TRIL: variants seen among roughly 807,000 people sequenced by gnomAD.
TRIL encodes the protein TLR4 interactor with leucine rich repeats.
In TRIL, 23 loss-of-function variants were observed where a neutral mutation model predicts 43.0. The observed-to-expected ratio is 0.54, with a 90% CI of 0.39 to 0.76. The LOEUF is 0.76. Ranked by LOEUF, TRIL falls within the 30% of genes least tolerant of loss-of-function variation. The pLI is 0.00. For synonymous variants in TRIL, 602 were observed against 556.8 expected (o/e 1.08, Z -1.14); for missense variants, 1,114 against 1,139.3 (o/e 0.98, Z 0.32).
Position 28,956,531 on chromosome 7 carries a change from G to T in TRIL, c.1516C>A (p.Pro506Thr). ...PSVAAAAGPA[P>T]QSLDLHKKPQ... is the part of the protein sequence containing the mutation. ...TTCTTGTGCAGGTCTAGGGACTGTG[G>T]AGCCGGGCCCGCGGCGGCAGCGACG... Residue 506 changes from proline to threonine, a missense_variant, in exon 1 of 1, where the codon CCA becomes ACA. Transcript: ENST00000539664. 1 of 1,560,196 alleles carries T rather than the reference G, an allele frequency of 6.4e-7. No homozygotes were observed. The highest frequency in any genetic ancestry group is 1.4e-5 in the African/African-American group (1 of 72,990).
chr7:28,956,941 C>T lies in TRIL; in HGVS notation c.1106G>A (p.Gly369Asp), dbSNP rs3735562. ...NGWTCDCRLRGLKRWMGDWHS... is the reference protein window; with the variant it reads ...NGWTCDCRLRDLKRWMGDWHS... ...CCAGTCGCCCATCCAGCGCTTCAGG[C>T]CTCGCAGCCGGCAGTCGCAGGTCCA... Residue 369 changes from glycine (G) to aspartate (D), a missense_variant, in exon 1 of 1, where the codon GGC (glycine) becomes GAC (aspartate). Transcript: ENST00000539664. 371,249 of 1,597,636 alleles carry T rather than the reference C, an allele frequency of 0.23. 46,895 individuals carry two copies. The highest frequency in any genetic ancestry group is 0.57 in the East Asian group (25,039 of 44,172).
rs770004091 is a variant in TRIL at position 28,953,498 on chromosome 7, C to G, written c.*2113G>C. 6.6e-6 allele frequency: 1 copy of G among 152,514 alleles called. No individual in the cohort carries two copies. The highest frequency in any genetic ancestry group is 1.5e-5 in the Non-Finnish European group (1 of 68,028). 9.4% of individuals were successfully genotyped at this position (152,514 alleles called of 1,614,324 possible). ...AGGCATTTTCAGTGATGTTCTATGG[C>G]TGAAAAGGTGGGTGGTGAGGAGAAC... On this transcript the variant is annotated 3_prime_UTR_variant, in exon 1 of 1. Coordinates refer to ENST00000539664, the MANE Select transcript of TRIL (RefSeq NM_014817.4).
At position 28,955,974 on chromosome 7, in the gene TRIL, G is replaced by A; in HGVS notation, c.2073C>T (p.Gly691=). Residue 691 remains glycine, a synonymous_variant, in exon 1 of 1, where the codon GGC becomes GGT. Transcript: ENST00000539664. ...AGGTCAGCAGCTGGTAGTCGACGCC[G>A]CCCCGGCTCCCGGCCTCCGGTAGGG... The part of the protein sequence containing the change: ...LVTLPEAGSR[G]GVDYQLLTLA... The A allele has an allele frequency of 6.4e-7, 1 of 1,552,024 alleles. No individual in the cohort carries two copies. The highest frequency in any genetic ancestry group is 1.9e-5 in the Admixed American group (1 of 52,484).
Position 28,955,564 on chromosome 7 carries a change from G to A in TRIL, c.*47C>T. 1 of 1,454,446 alleles carries A rather than the reference G, an allele frequency of 6.9e-7. No individual in the cohort carries two copies. Among genetic ancestry groups the A allele is most frequent in the Non-Finnish European group, 9.1e-7 (1 of 1,104,414 alleles). The allele number at this position is 1,454,446 out of a possible 1,614,324, so 90.1% of individuals were successfully genotyped here. A position where few individuals can be genotyped will look rare whatever the true frequency, so the allele number is the denominator to read the frequency against. ...GAGGTGGGCTGGTGGGCCTCACGGA[G>A]AGGCGGCTCCTTAGGGCCAATGAGA... On this transcript the variant is annotated 3_prime_UTR_variant, in exon 1 of 1. Coordinates refer to ENST00000539664, the MANE Select transcript of TRIL (RefSeq NM_014817.4).
In TRIL at chr7:28,953,438, CAGTGAAACTA is replaced by C; in HGVS notation, c.*2163_*2172del. 1 of 152,682 alleles carries C rather than the reference CAGTGAAACTA, an allele frequency of 6.5e-6. No individual in the cohort carries two copies. The highest frequency in any genetic ancestry group is 1.9e-4 in the East Asian group (1 of 5,188). The allele number at this position is 152,682 out of a possible 1,614,324, so 9.5% of individuals were successfully genotyped here. ...ATTCATCTCCCACTGAAAGACTTCC[CAGTGAAACTA>C]AAGTAGAACACAGATCCAGGCATTA... On this transcript the variant is annotated 3_prime_UTR_variant, in exon 1 of 1. Coordinates refer to ENST00000539664, the MANE Select transcript of TRIL (RefSeq NM_014817.4).
In TRIL at chr7:28,956,202, C is replaced by A; in HGVS notation, c.1845G>T (p.Leu615=). 1 of 1,565,398 alleles carries A rather than the reference C, an allele frequency of 6.4e-7. No individual in the cohort carries two copies. The highest frequency in any genetic ancestry group is 2.3e-5 in the East Asian group (1 of 42,624). ...AVREHRSPRP[L]GGARFRLLFD... Reference sequence around the variant, plus strand: ...AGAGCAGGCGGAAGCGCGCGCCGCCCAGCGGCCGGGGACTGCGGTGCTCGC... The same window carrying A: ...AGAGCAGGCGGAAGCGCGCGCCGCCAAGCGGCCGGGGACTGCGGTGCTCGC... Residue 615 remains leucine (L), a synonymous_variant, in exon 1 of 1, where the codon CTG becomes CTT. Transcript: ENST00000539664.
At position 28,957,232 on chromosome 7, in the gene TRIL, G is replaced by A. The variant is rs1322387656; in HGVS notation, c.815C>T (p.Ala272Val). ...GCGCAGGGCCTCCAAGCCCCAAAAG[G>A]CCTCAGGCGCGAGGTGCGTGAGCTG... Reference protein sequence around the residue: ...GNQLTHLAPEAFWGLEALREL... With the variant: ...GNQLTHLAPEVFWGLEALREL... Residue 272 changes from alanine to valine, a missense_variant, in exon 1 of 1, where the codon GCC (alanine) becomes GTC (valine). Physicochemically the swap from Ala to Val is moderately conservative, Grantham distance 64. Coordinates refer to ENST00000539664, the MANE Select transcript of TRIL (RefSeq NM_014817.4). 3.1e-6 allele frequency: 5 copies of A among 1,606,294 alleles called. No individual in the cohort carries two copies. Among genetic ancestry groups the A allele is most frequent in the Middle Eastern group, 1.7e-4 (1 of 5,978 alleles).
rs549647147 is a variant in TRIL, at chr7:28,956,256, T to C, written c.1791A>G (p.Ala597=). ...LCNLTVEAVG[A]DSASVRWAVR... ...CGGCCCAGCGCACCGAGGCGCTGTC[T>C]GCGCCCACCGCCTCCACCGTCAGGT... is the stretch of plus-strand genomic sequence containing the variant. The change falls in exon 1 of 1, where the codon GCA becomes GCG. Residue 597 remains alanine (A), a synonymous_variant. Transcript: ENST00000539664. 1.3e-6 allele frequency: 2 copies of C among 1,547,254 alleles called. No homozygotes were observed. Among genetic ancestry groups the C allele is most frequent in the South Asian group, 2.4e-5 (2 of 84,282 alleles).
In TRIL at chr7:28,955,921, A is replaced by G; in HGVS notation, c.2126T>C (p.Leu709Pro). 1 of 1,553,094 alleles carries G rather than the reference A, an allele frequency of 6.4e-7. No homozygotes were observed. The highest frequency in any genetic ancestry group is 8.7e-7 in the Non-Finnish European group (1 of 1,150,436). ...TLALLTVNALLVLLALAAWAS... is the reference protein window; with the variant it reads ...TLALLTVNALPVLLALAAWAS... ...CCAGGCCGCCAAGGCCAGGAGCACC[A>G]GCAGCGCGTTGACCGTCAGCAGGGC... is the stretch of plus-strand genomic sequence containing the variant. Residue 709 changes from leucine (L) to proline (P), a missense_variant, in exon 1 of 1, where the codon CTG (leucine) becomes CCG (proline). Leu to Pro is a moderately conservative substitution (Grantham distance 98, BLOSUM62 -3). Transcript: ENST00000539664.
rs1214693336 is a variant in TRIL, at chr7:28,957,565, C to G, written c.482G>C (p.Arg161Pro). ...CGCCCCCAGGGCGTTCCCGTCCAGCCGCAGCTTGACTAGACTCTCCAGGCC... is the reference window on the plus strand; with the variant it reads ...CGCCCCCAGGGCGTTCCCGTCCAGCGGCAGCTTGACTAGACTCTCCAGGCC... Reference protein sequence around the residue: ...FEGLESLVKLRLDGNALGALP... With the variant: ...FEGLESLVKLPLDGNALGALP... Residue 161 changes from arginine (R) to proline (P), a missense_variant, in exon 1 of 1, where the codon CGG becomes CCG. By Grantham distance (103) the Arg-to-Pro change is moderately radical. Coordinates refer to ENST00000539664, the MANE Select transcript of TRIL (RefSeq NM_014817.4). 2.5e-6 allele frequency: 4 copies of G among 1,612,276 alleles called. No individual in the cohort carries two copies. The highest frequency in any genetic ancestry group is 3.4e-6 in the Non-Finnish European group (4 of 1,179,600).
Position 28,955,301 on chromosome 7 carries a change from CCCCAAAG to C in TRIL, c.*303_*309del, listed in dbSNP as rs558773120. The C allele has an allele frequency of 1.6e-3, 612 of 377,986 alleles. No individual in the cohort carries two copies. Among genetic ancestry groups the C allele is most frequent in the Non-Finnish European group, 2.3e-3 (490 of 213,610 alleles). 23.4% of individuals were successfully genotyped at this position (377,986 alleles called of 1,614,324 possible). On this transcript the variant is annotated 3_prime_UTR_variant, in exon 1 of 1. Coordinates refer to ENST00000539664, the MANE Select transcript of TRIL (RefSeq NM_014817.4). ...GGGGGCACAAGCACCCCCTTTCTAC[CCCCAAAG>C]CCTGGCTTCTGCATTGCAGTGCTAC...
Position 28,956,349 on chromosome 7 carries a change from G to A in TRIL, c.1698C>T (p.Ser566=). 1 of 1,530,854 alleles carries A rather than the reference G, an allele frequency of 6.5e-7. No individual in the cohort carries two copies. The highest frequency in any genetic ancestry group is 2.5e-5 in the East Asian group (1 of 40,724). 94.8% of individuals were successfully genotyped at this position (1,530,854 alleles called of 1,614,324 possible). ...GTEHQERAAQ[S]DGGAGLPPLV... Reference sequence around the variant, plus strand: ...GCGGCGGCAGCCCGGCCCCACCGTCGGACTGGGCGGCACGCTCCTGGTGCT... The same window carrying A: ...GCGGCGGCAGCCCGGCCCCACCGTCAGACTGGGCGGCACGCTCCTGGTGCT... Residue 566 remains serine (S), a synonymous_variant, in exon 1 of 1, where the codon TCC becomes TCT. Coordinates refer to ENST00000539664, the MANE Select transcript of TRIL (RefSeq NM_014817.4).
At position 28,957,717 on chromosome 7, in the gene TRIL, T is replaced by A; in HGVS notation, c.330A>T (p.Glu110Asp). 1 of 1,612,512 alleles carries A rather than the reference T, an allele frequency of 6.2e-7. No homozygotes were observed. The highest frequency in any genetic ancestry group is 8.5e-7 in the Non-Finnish European group (1 of 1,179,270). The change falls in exon 1 of 1, where the codon GAA becomes GAT. Residue 110 changes from glutamate to aspartate, a missense_variant. Physicochemically the swap from Glu to Asp is conservative, Grantham distance 45. Coordinates refer to ENST00000539664, the MANE Select transcript of TRIL (RefSeq NM_014817.4). ...AGAGGTTGTTCCCCAGGTACAGCTC[T>A]TCCAGCCGCGAGAGCTTCTCGAAGG... ...PKTFEKLSRL[E>D]ELYLGNNLLQ...
In TRIL at chr7:28,958,288, T is replaced by A; in HGVS notation, c.-242A>T. On this transcript the variant is annotated 5_prime_UTR_variant, in exon 1 of 1. Coordinates refer to ENST00000539664, the MANE Select transcript of TRIL (RefSeq NM_014817.4). ...AGACCCCGGGTACTACTTGTTGCATTTCTGTATAAAACTGTTTCTCCGGGT... is the reference window on the plus strand; with the variant it reads ...AGACCCCGGGTACTACTTGTTGCATATCTGTATAAAACTGTTTCTCCGGGT... 2.0e-6 allele frequency: 1 copy of A among 509,542 alleles called. No homozygotes were observed. Among genetic ancestry groups the A allele is most frequent in the East Asian group, 3.4e-5 (1 of 29,408 alleles). The allele number at this position is 509,542 out of a possible 1,614,324, so 31.6% of individuals were successfully genotyped here.
rs1279679532 is a variant in TRIL at position 28,954,753 on chromosome 7, T to C, written c.*858A>G. 1 of 152,202 alleles carries C rather than the reference T, an allele frequency of 6.6e-6. No homozygotes were observed. The highest frequency in any genetic ancestry group is 1.5e-5 in the Non-Finnish European group (1 of 68,036). 9.4% of individuals were successfully genotyped at this position (152,202 alleles called of 1,614,324 possible). On this transcript the variant is annotated 3_prime_UTR_variant, in exon 1 of 1. Coordinates refer to ENST00000539664, the MANE Select transcript of TRIL (RefSeq NM_014817.4). ...GCTACATATACATCACATTCTTTTA[T>C]CAAATCTGGCATTGAAATTTCCTTT...
chr7:28,957,011 C>T lies in TRIL; in HGVS notation c.1036G>A (p.Ala346Thr), dbSNP rs764148762. 1.9e-5 allele frequency: 30 copies of T among 1,579,520 alleles called. No individual in the cohort carries two copies. The highest frequency in any genetic ancestry group is 8.0e-5 in the South Asian group (7 of 87,556). ...ALSALSGDIFAASPALYRLDL... is the reference protein window; with the variant it reads ...ALSALSGDIFTASPALYRLDL... ...AGCCGATAAAGGGCTGGGCTGGCGGCGAAGATGTCCCCGGATAGGGCGCTG... is the reference window on the plus strand; with the variant it reads ...AGCCGATAAAGGGCTGGGCTGGCGGTGAAGATGTCCCCGGATAGGGCGCTG... Residue 346 changes from alanine (A) to threonine (T), a missense_variant, in exon 1 of 1, where the codon GCC becomes ACC. Transcript: ENST00000539664.
rs1448396378 is a variant in TRIL at position 28,957,219 on chromosome 7, C to T, written c.828G>A (p.Leu276=). ...CCAGGCGCAGCTCGCGCAGGGCCTC[C>T]AAGCCCCAAAAGGCCTCAGGCGCGA... ...THLAPEAFWG[L]EALRELRLEG... is the part of the protein sequence containing the mutation. Residue 276 remains leucine (L), a synonymous_variant, in exon 1 of 1, where the codon TTG becomes TTA. Coordinates refer to ENST00000539664, the MANE Select transcript of TRIL (RefSeq NM_014817.4). 6.2e-7 allele frequency: 1 copy of T among 1,605,142 alleles called. No individual in the cohort carries two copies. Among genetic ancestry groups the T allele is most frequent in the Non-Finnish European group, 8.5e-7 (1 of 1,178,974 alleles).
At position 28,955,423 on chromosome 7, in the gene TRIL, GACC is replaced by G. The variant is rs1200234983; in HGVS notation, c.*185_*187del. ...TCCATTTGTCCCCTACTCTGGCTCTGACCACCAAGTACCATCCATTTACTTCTC... is the reference window on the plus strand; with the variant it reads ...TCCATTTGTCCCCTACTCTGGCTCTGACCAAGTACCATCCATTTACTTCTC... On this transcript the variant is annotated 3_prime_UTR_variant, in exon 1 of 1. Transcript: ENST00000539664. 4 of 901,590 alleles carry G rather than the reference GACC, an allele frequency of 4.4e-6. No individual in the cohort carries two copies. In the Admixed American group the frequency reaches 9.7e-5, roughly 22 times the overall value. 55.8% of individuals were successfully genotyped at this position (901,590 alleles called of 1,614,324 possible).
At position 28,958,284 on chromosome 7, in the gene TRIL, G is replaced by C. The variant is rs896623271; in HGVS notation, c.-238C>G. On this transcript the variant is annotated 5_prime_UTR_variant, in exon 1 of 1. Coordinates refer to ENST00000539664, the MANE Select transcript of TRIL (RefSeq NM_014817.4). Reference sequence around the variant, plus strand: ...CTGCAGACCCCGGGTACTACTTGTTGCATTTCTGTATAAAACTGTTTCTCC... The same window carrying C: ...CTGCAGACCCCGGGTACTACTTGTTCCATTTCTGTATAAAACTGTTTCTCC... 7.7e-6 allele frequency: 4 copies of C among 517,744 alleles called. No homozygotes were observed. In the African/African-American group the frequency reaches 8.1e-5, roughly 11 times the overall value. The allele number at this position is 517,744 out of a possible 1,614,324, so 32.1% of individuals were successfully genotyped here.
Sources: gnomAD v4.1 joint callset for allele counts on GRCh38, gnomAD v4.1.1 for gene constraint, MANE v1.5 for transcripts, NCBI Gene and HGNC (gene_info 2026-07-23, HGNC 2026-07-21) for gene names.